Variants in KRT3 observed in about 807,000 individuals in gnomAD.
KRT3 encodes keratin, type II cytoskeletal 3.
KRT3 carries 34 observed loss-of-function variants against 45.8 expected under a neutral mutation model. The observed-to-expected ratio is 0.74, with a 90% CI of 0.57 to 0.99. KRT3 has a LOEUF of 0.99. Among genes scored for constraint, KRT3 ranks in the 50% least tolerant of loss-of-function variants. KRT3 has a pLI of 0.00. For missense variants in KRT3, 828 were observed against 820.6 expected (o/e 1.01, Z -0.11); for synonymous variants, 367 against 329.0 (o/e 1.12, Z -1.25).
intron 1 of KRT3, 116 bp downstream of exon 1, chr12:52,795,282 A>T: frequency 7.9e-7 from 1 of 1,269,010 alleles, no homozygotes; most frequent in Non-Finnish European, 1.1e-6. Context: ...CTAGAGTTCC[A>T]CCTAACTCCT....
At chr12:52,793,018 T>G (rs1180018863) in intron 3 of KRT3, 145 bp downstream of exon 3, 21 of 689,040 alleles carry the variant, frequency 3.0e-5, no homozygotes, top group Non-Finnish European at 4.5e-5. Flanking sequence ...TTTAGGGATC[T>G]TCCAGACTAA....
rs1481363664 is a variant in KRT3 at position 52,795,678 on chromosome 12, G to A, written c.365C>T (p.Ala122Val). ...GCCACCAGCCCCTCCAAAGCCACCA[G>A]CTCCACCAAAGCCACCTCCCATTCC... ...GRGMGGGFGG[A>V]GGFGGAGGFG... Residue 122 changes from alanine (A) to valine (V), a missense_variant, in exon 1 of 9, where the codon GCT becomes GTT. Physicochemically the swap from Ala to Val is moderately conservative, Grantham distance 64 (BLOSUM62 0). Transcript: ENST00000417996. 17 of 1,597,432 alleles carry A rather than the reference G, an allele frequency of 1.1e-5. No individual in the cohort carries two copies. The highest frequency in any genetic ancestry group is 1.4e-5 in the Non-Finnish European group (17 of 1,177,536).
chr12:52,791,208 GTAC>G lies in KRT3; in HGVS notation c.1530_1532del (p.Glu510_Tyr511delinsAsp). The G allele has an allele frequency of 6.2e-7, 1 of 1,614,216 alleles. No homozygotes were observed. On this transcript the variant is annotated inframe_deletion, in exon 7 of 9. Coordinates refer to ENST00000417996, the MANE Select transcript of KRT3 (RefSeq NM_057088.3). ...GGAAGACGGGACTGGAGGCTCACCT[GTAC>G]TCCTCGCCCTCCAGCAGCTTGCGGT...
In KRT3 at chr12:52,795,933, C is replaced by T. The variant is rs2121226851; in HGVS notation, c.110G>A (p.Gly37Glu). Residue 37 changes from glycine to glutamate, a missense_variant, in exon 1 of 9, where the codon GGA (glycine) becomes GAA (glutamate). Physicochemically the swap from Gly to Glu is moderately conservative, Grantham distance 98. Transcript: ENST00000417996. ...GAAGCCATAGGCCCCTCCGCCAGCTCCCCCAGAGTGGGCCACACAGCTCAT... is the reference window on the plus strand; with the variant it reads ...GAAGCCATAGGCCCCTCCGCCAGCTTCCCCAGAGTGGGCCACACAGCTCAT... ...SRMSCVAHSG[G>E]AGGGAYGFRS... 1 of 1,614,054 alleles carries T rather than the reference C, an allele frequency of 6.2e-7. No homozygotes were observed. The highest frequency in any genetic ancestry group is 1.1e-5 in the South Asian group (1 of 91,084).
chr12:52,794,369 G>C, intron 1 of KRT3, 38 bp from the exon 2 acceptor site: 1 of 1,523,392 alleles, frequency 6.6e-7, no homozygotes, highest in Non-Finnish European at 9.1e-7. Flanking sequence ...GGCAACACTT[G>C]TAGCAGAGGA....
chr12:52,790,363 G>T lies in KRT3; in HGVS notation c.1571-5C>A, dbSNP rs774366899. On this transcript the variant is annotated splice_region_variant and splice_polypyrimidine_tract_variant and intron_variant, in intron 8 of 8. Transcript: ENST00000417996. Reference sequence around the variant, plus strand: ...TCGTGCTGCTGCTGACCACGGCTGTGGGGGAGAGGACAGGACAGCGATCAG... The same window carrying T: ...TCGTGCTGCTGCTGACCACGGCTGTTGGGGAGAGGACAGGACAGCGATCAG... 9 of 1,593,180 alleles carry T rather than the reference G, an allele frequency of 5.6e-6. No individual in the cohort carries two copies. Among genetic ancestry groups the T allele is most frequent in the South Asian group, 2.3e-5 (2 of 86,522 alleles).
chr12:52,792,303 C>A lies in KRT3; in HGVS notation c.1124G>T (p.Arg375Leu), dbSNP rs1226191522. 2.5e-6 allele frequency: 4 copies of A among 1,613,986 alleles called. No individual in the cohort carries two copies. In the African/African-American group the frequency reaches 5.3e-5, roughly 22 times the overall value. ...CTGAGCGATATCCTCATACTGTGCA[C>A]GAACTTCAGCAATGATGCTGTCCAG... ...LDLDSIIAEV[R>L]AQYEDIAQRS... The change falls in exon 5 of 9, where the codon CGT becomes CTT. Residue 375 changes from arginine to leucine, a missense_variant. Physicochemically the swap from Arg to Leu is moderately radical, Grantham distance 102 (BLOSUM62 -2). Transcript: ENST00000417996.
rs1030115943 is a variant in KRT3, at chr12:52,790,056, G to C, written c.1873C>G (p.Arg625Gly). 1.3e-6 allele frequency: 2 copies of C among 1,539,432 alleles called. No homozygotes were observed. The highest frequency in any genetic ancestry group is 2.0e-5 in the Admixed American group (1 of 50,998). ...KFSQSSQSSQ[R>G]YSR Reference sequence around the variant, plus strand: ...ATGCGTGCTCTTTATCTGGAGTAGCGCTGGGAGGACTGGGAGGACTGGGAG... The same window carrying C: ...ATGCGTGCTCTTTATCTGGAGTAGCCCTGGGAGGACTGGGAGGACTGGGAG... The change falls in exon 9 of 9, where the codon CGC becomes GGC. Residue 625 changes from arginine (R) to glycine (G), a missense_variant. Arg to Gly is a moderately radical substitution (Grantham distance 125). Transcript: ENST00000417996.
rs868629190 is a variant in KRT3 at position 52,793,330 on chromosome 12, C to A, written c.867-107G>T. On this transcript the variant is annotated intron_variant, in intron 2 of 8. Coordinates refer to ENST00000417996, the MANE Select transcript of KRT3 (RefSeq NM_057088.3). The stretch of plus-strand genomic sequence containing the variant: ...ATCTCTTCCCTCCCTCCATCCCTAT[C>A]CTGCCCCTCTCAGATGAGCACATCC... 37 of 736,134 alleles carry A rather than the reference C, an allele frequency of 5.0e-5. 1 individual carries two copies. In the Middle Eastern group the frequency reaches 4.2e-3, roughly 84 times the overall value. 45.6% of individuals were successfully genotyped at this position (736,134 alleles called of 1,614,324 possible). A position where few individuals can be genotyped will look rare whatever the true frequency, so the allele number is the denominator to read the frequency against.
In KRT3 at chr12:52,794,076, C is replaced by A. The variant is rs769296771; in HGVS notation, c.866+35G>T. 6 of 1,534,554 alleles carry A rather than the reference C, an allele frequency of 3.9e-6. No individual in the cohort carries two copies. The East Asian group carries it at 1.4e-4, about 35-fold the overall frequency. ...GGCCAAGACTCTGAGACAGGGTGGGCCATGGCATCTTCCCACTCCTGCCCT... is the reference window on the plus strand; with the variant it reads ...GGCCAAGACTCTGAGACAGGGTGGGACATGGCATCTTCCCACTCCTGCCCT... On this transcript the variant is annotated intron_variant, in intron 2 of 8. Transcript: ENST00000417996.
rs1381009299 is a variant in KRT3 at position 52,793,150 on chromosome 12, A to T, written c.927+13T>A. On this transcript the variant is annotated intron_variant, in intron 3 of 8. Coordinates refer to ENST00000417996, the MANE Select transcript of KRT3 (RefSeq NM_057088.3). ...CAGCTGCAAGCCTCAGAAACCTCAC[A>T]CACAGCCCTTACCTTCTTCAGAGTC... is the stretch of plus-strand genomic sequence containing the variant. 1 of 1,608,130 alleles carries T rather than the reference A, an allele frequency of 6.2e-7. No homozygotes were observed. The highest frequency in any genetic ancestry group is 1.7e-5 in the Admixed American group (1 of 59,602).
At chr12:52,792,129 C>A in intron 5 of KRT3, 110 bp downstream of exon 5, 1 of 948,028 alleles carries the variant, frequency 1.1e-6, no homozygotes, top group Non-Finnish European at 1.6e-6. Context: ...GAGGGTAAAA[C>A]CAAAAGGCAT....
At chr12:52,790,923 A>G in intron 7 of KRT3, 51 bp from the exon 8 acceptor site, 1 of 1,540,934 alleles carries the variant, frequency 6.5e-7, no homozygotes, top group Non-Finnish European at 8.8e-7. Context: ...CACATCACCA[A>G]CAAGTCCACG....
Position 52,794,185 on chromosome 12 carries a change from G to T in KRT3, c.792C>A (p.Asn264Lys). The T allele has an allele frequency of 1.2e-6, 2 of 1,614,214 alleles. No individual in the cohort carries two copies. The highest frequency in any genetic ancestry group is 1.7e-6 in the Non-Finnish European group (2 of 1,180,030). ...HINYLRSYLD[N>K]ILGERGRLDS... ...CCAGGCGCCCTCTCTCCCCGAGGAT[G>T]TTGTCCAGGTAGCTCCGCAGGTAGT... Residue 264 changes from asparagine to lysine, a missense_variant, in exon 2 of 9, where the codon AAC (asparagine) becomes AAA (lysine). Physicochemically the swap from Asn to Lys is moderately conservative, Grantham distance 94. Transcript: ENST00000417996.
Position 52,791,691 on chromosome 12 carries a change from C to T in KRT3, c.1314G>A (p.Gln438=). 3 of 1,614,124 alleles carry T rather than the reference C, an allele frequency of 1.9e-6. No homozygotes were observed. The highest frequency in any genetic ancestry group is 2.5e-6 in the Non-Finnish European group (3 of 1,179,998). Reference sequence around the variant, plus strand: ...GTGCCAGCATCCATGACCATCCCACCTGCTTCTTGACACCCTCGATCTCTG... The same window carrying T: ...GTGCCAGCATCCATGACCATCCCACTTGCTTCTTGACACCCTCGATCTCTG... ...LRAEIEGVKK[Q]NANLQTAIAE... The change falls in exon 6 of 9, where the codon CAG becomes CAA. Residue 438 remains glutamine, a splice_region_variant and synonymous_variant. Transcript: ENST00000417996.
At chr12:52,793,620 C>G (rs1260604755) in intron 2 of KRT3, among the ~76,000 whole-genome samples, 1 of 151,896 alleles carries the variant, frequency 6.6e-6, no homozygotes, top group Non-Finnish European at 1.5e-5. Flanking sequence ...TAGACATAGT[C>G]TCGCTCTGTC....
intron 3 of KRT3, 142 bp from the exon 4 acceptor site, chr12:52,792,948 C>G: frequency 1.4e-6 from 1 of 711,960 alleles, no homozygotes; most frequent in Non-Finnish European, 2.5e-6. Context: ...CAATTTGTAT[C>G]TCATTAGGAT....
At position 52,791,780 on chromosome 12, in the gene KRT3, C is replaced by T. The variant is rs891971466; in HGVS notation, c.1225G>A (p.Asp409Asn). Reference sequence around the variant, plus strand: ...TCGCTCTTGGTATTTCTTAGGTCATCCCCATGCCTGCCAGCCGTGGTCTGC... The same window carrying T: ...TCGCTCTTGGTATTTCTTAGGTCATTCCCATGCCTGCCAGCCGTGGTCTGC... ...ELQTTAGRHGDDLRNTKSEII... is the reference protein window; with the variant it reads ...ELQTTAGRHGNDLRNTKSEII... The change falls in exon 6 of 9, where the codon GAT (aspartate) becomes AAT (asparagine). Residue 409 changes from aspartate to asparagine, a missense_variant. Asp to Asn is a conservative substitution (Grantham distance 23). Transcript: ENST00000417996. 4.3e-6 allele frequency: 7 copies of T among 1,614,108 alleles called. No homozygotes were observed. Among genetic ancestry groups the T allele is most frequent in the Non-Finnish European group, 5.1e-6 (6 of 1,179,970 alleles).
Position 52,789,685 on chromosome 12 carries a change from T to A in KRT3, c.*357A>T. 2.5e-6 allele frequency: 1 copy of A among 395,694 alleles called. No individual in the cohort carries two copies. Among genetic ancestry groups the A allele is most frequent in the Non-Finnish European group, 4.6e-6 (1 of 216,062 alleles). The allele number at this position is 395,694 out of a possible 1,614,324, so 24.5% of individuals were successfully genotyped here. On this transcript the variant is annotated 3_prime_UTR_variant, in exon 9 of 9. Transcript: ENST00000417996. ...GGAGCGAATACTCAGAGGCCCGGAG[T>A]GAAACACAGTGCACTTTATTGGCGA...
Sources: allele counts gnomAD v4.1 joint callset (sites outside exome capture counted in the v4.1 genomes callset), GRCh38; gene constraint gnomAD v4.1.1; transcripts MANE v1.5; gene names NCBI Gene and HGNC (gene_info 2026-07-23, HGNC 2026-07-21).